The following DDO variants were observed in gnomAD, a reference collection of about 807,000 sequenced individuals.
DDO encodes D-aspartate oxidase, DDO.
Under a neutral mutation model 16.8 loss-of-function variants are expected in DDO, and 16 were observed. The observed-to-expected ratio is 0.95, with a 90% CI of 0.65 to 1.45. The LOEUF is 1.45. Among genes scored for constraint, DDO ranks in the 40% most tolerant of loss-of-function variants. DDO has a pLI of 0.00. For synonymous variants in DDO, 180 were observed against 167.2 expected, an observed-to-expected ratio of 1.08 and a Z score of -0.59; for missense variants, 429 against 420.3, an observed-to-expected ratio of 1.02 and a Z score of -0.18.
chr6:110,412,399 T>C (rs1311289606), intron 2 of DDO, among the ~76,000 whole-genome samples: 4 of 152,242 alleles, frequency 2.6e-5, no homozygotes, highest in South Asian at 4.1e-4. Context: ...ATTTCTGACT[T>C]GATAGTCATT....
At chr6:110,406,301 A>T (rs2114831518) in intron 3 of DDO, among the ~76,000 whole-genome samples, 1 of 152,288 alleles carries the variant, frequency 6.6e-6, no homozygotes, top group African/African-American at 2.4e-5. Context: ...ATGCATGCAC[A>T]CACACACATC....
chr6:110,390,002 TA>T (rs1369676254), downstream of DDO, among the ~76,000 whole-genome samples: 2 of 152,230 alleles, frequency 1.3e-5, no homozygotes, highest in Non-Finnish European at 2.9e-5. Flanking sequence ...GTCTTTCAGA[TA>T]AAGACAGATA....
chr6:110,413,300 T>G lies in DDO; in HGVS notation c.163A>C (p.Thr55Pro). 1 of 1,614,010 alleles carries G rather than the reference T, an allele frequency of 6.2e-7. No individual in the cohort carries two copies. The highest frequency in any genetic ancestry group is 2.2e-5 in the East Asian group (1 of 44,882). Reference sequence around the variant, plus strand: ...AGCTGAAATCTCTCACCTGGATAAGTGTGAGGAATAAGCATTCCGGCTGCC... The same window carrying G: ...AGCTGAAATCTCTCACCTGGATAAGGGTGAGGAATAAGCATTCCGGCTGCC... ...DVAAGMLIPHTYPDTPIHTQK... is the reference protein window; with the variant it reads ...DVAAGMLIPHPYPDTPIHTQK... Residue 55 changes from threonine to proline, a missense_variant, in exon 2 of 5, where the codon ACT becomes CCT. Transcript: ENST00000368924.
intron 4 of DDO, among the ~76,000 whole-genome samples, chr6:110,400,614 G>C (rs1241403773): frequency 6.6e-6 from 1 of 152,194 alleles, no homozygotes; most frequent in South Asian, 2.1e-4. Flanking sequence ...CAACAATTTG[G>C]CCCTTAAAGC....
chr6:110,409,378 A>G (rs974743780), intron 2 of DDO, among the ~76,000 whole-genome samples: 2 of 152,168 alleles, frequency 1.3e-5, no homozygotes, highest in Non-Finnish European at 2.9e-5. Context: ...CCAGGGAACA[A>G]TAAGCCTCAG....
chr6:110,399,947 C>T (rs1457396271), intron 4 of DDO, among the ~76,000 whole-genome samples: 2 of 152,256 alleles, frequency 1.3e-5, no homozygotes, highest in Admixed American at 6.5e-5. Context: ...GTCCTCTCCT[C>T]CCCGCTGCCC....
chr6:110,391,073 T>A (rs1444320796), downstream of DDO, among the ~76,000 whole-genome samples: 1 of 152,180 alleles, frequency 6.6e-6, no homozygotes, highest in Admixed American at 6.5e-5. Flanking sequence ...TGATTTTACT[T>A]GAGAATGTTA....
At chr6:110,413,573 A>G (rs1184797082) in intron 1 of DDO, 107 bp from the exon 2 acceptor site, 1 of 1,137,092 alleles carries the variant, frequency 8.8e-7, no homozygotes, top group African/African-American at 1.5e-5. Context: ...CACTCAGAAT[A>G]AGACTTAGCC....
At chr6:110,395,944 G>T (rs1773275356) in intron 4 of DDO, among the ~76,000 whole-genome samples, 1 of 152,136 alleles carries the variant, frequency 6.6e-6, no homozygotes, top group Non-Finnish European at 1.5e-5. Context: ...GAGATGGGAA[G>T]ATCCCTTGAA....
downstream of DDO, among the ~76,000 whole-genome samples, chr6:110,389,544 GA>G (rs542599533): frequency 4.9e-4 from 74 of 152,358 alleles, 1 homozygote; most frequent in South Asian, 0.014. Flanking sequence ...AAGGTAGGCA[GA>G]GGGGTGAGAA....
chr6:110,408,469 G>A, intron 2 of DDO, 27 bp from the exon 3 acceptor site: 1 of 1,592,582 alleles, frequency 6.3e-7, no homozygotes, highest in Non-Finnish European at 8.6e-7. Flanking sequence ...AAGCAAAGTG[G>A]AACAGAAAGG....
chr6:110,415,066 T>TA (rs1167752783), intron 1 of DDO, among the ~76,000 whole-genome samples: 7 of 152,234 alleles, frequency 4.6e-5, no homozygotes, highest in Non-Finnish European at 1.5e-5. Context: ...TTTGATACGT[T>TA]AATTTGATTG....
chr6:110,400,364 A>C (rs956047), intron 4 of DDO, among the ~76,000 whole-genome samples: 24 of 135,242 alleles, frequency 1.8e-4, no homozygotes, highest in Admixed American at 3.8e-4. Context: ...CTGGCGCCTC[A>C]TCACGGGCCC....
chr6:110,411,669 T>C (rs1340456043), intron 2 of DDO, among the ~76,000 whole-genome samples: 1 of 152,006 alleles, frequency 6.6e-6, no homozygotes, highest in African/African-American at 2.4e-5. Context: ...GGGACAAAGC[T>C]AAAAGAATTG....
intron 4 of DDO, among the ~76,000 whole-genome samples, chr6:110,394,870 G>A (rs76673822): frequency 3.3e-5 from 5 of 152,172 alleles, no homozygotes; most frequent in South Asian, 2.1e-4. Context: ...TTGAACAGTC[G>A]TCAATCACAA....
At chr6:110,400,359 G>A (rs1213997366) in intron 4 of DDO, among the ~76,000 whole-genome samples, 2 of 133,262 alleles carry the variant, frequency 1.5e-5, no homozygotes, top group African/African-American at 5.7e-5. Flanking sequence ...GGGGACTGGC[G>A]CCTCATCACG....
intron 3 of DDO, among the ~76,000 whole-genome samples, chr6:110,407,176 G>A (rs17577280): frequency 0.29 from 43,879 of 152,152 alleles, 7,792 homozygotes; most frequent in Admixed American, 0.42. Context: ...TTTTAATTCT[G>A]GACATGGCTG....
chr6:110,397,422 C>T (rs1467359289), intron 4 of DDO, among the ~76,000 whole-genome samples: 1 of 151,840 alleles, frequency 6.6e-6, no homozygotes, highest in Non-Finnish European at 1.5e-5. Flanking sequence ...TTGTAGATTC[C>T]ATGTGTTAAT....
At chr6:110,397,204 T>C (rs759471474) in intron 4 of DDO, among the ~76,000 whole-genome samples, 5 of 152,224 alleles carry the variant, frequency 3.3e-5, no homozygotes, top group Non-Finnish European at 7.3e-5. Context: ...AGCTGCTCAA[T>C]AAAGACCTTT....
Sources: gnomAD v4.1 joint callset for allele counts (sites outside exome capture counted in the v4.1 genomes callset) on GRCh38, gnomAD v4.1.1 for gene constraint, MANE v1.5 for transcripts, NCBI Gene and HGNC (gene_info 2026-07-23, HGNC 2026-07-21) for gene names.